Variants in LDLRAD4 observed in about 807,000 individuals in gnomAD.
LDLRAD4 encodes low-density lipoprotein receptor class A domain-containing protein 4.
In LDLRAD4, 5 loss-of-function variants were observed where a neutral mutation model predicts 17.0. The ratio of observed to expected loss-of-function variants is 0.29; its 90% CI spans 0.15 to 0.62. The LOEUF (loss-of-function observed/expected upper bound fraction) is 0.62. Ranked by LOEUF, LDLRAD4 falls within the 20% of genes least tolerant of loss-of-function variation. The probability of loss-of-function intolerance (pLI) is 0.84; values close to 1 mark genes in which losing one functional copy is unlikely to be tolerated. For missense variants in LDLRAD4, 340 were observed against 424.7 expected (o/e 0.80, Z 1.75); for synonymous variants, 168 against 171.8 (o/e 0.98, Z 0.17).
At chr18:13,447,645 G>A (rs2091504631) in intron 3 of LDLRAD4, among the ~76,000 whole-genome samples, 1 of 152,240 alleles carries the variant, frequency 6.6e-6, no homozygotes, top group Non-Finnish European at 1.5e-5. Flanking sequence ...ATATTTAGTA[G>A]TCTAGCGTGG....
rs369946968 is a variant in LDLRAD4 at position 13,338,451 on chromosome 18, C to T, written c.-382-48890C>T. 3.9e-5 allele frequency among the ~76,000 whole-genome samples: 6 copies of T among 152,270 alleles called. No individual in the cohort carries two copies. The East Asian group carries it at 9.6e-4, about 24-fold the overall frequency. On this transcript the variant is annotated intron_variant, in intron 1 of 5. Coordinates refer to ENST00000359446, the Ensembl canonical transcript of LDLRAD4. ...CTGTTGTTGACTCTTGACAGAGGAT[C>T]CTCAGCTCTGACCACTGCTGTGCCC...
chr18:13,265,016 C>T lies in LDLRAD4; in HGVS notation c.-466-13089C>T, dbSNP rs182362983. On this transcript the variant is annotated intron_variant, in intron 1 of 5. Transcript: ENST00000399848. ...AAAGCTGAGTTGCCCAAGCCAGAAC[C>T]TGGTGCTGTTCTGACCCCCTCCTGG... Among the ~76,000 whole-genome samples the T allele has an allele frequency of 7.2e-5, 11 of 152,330 alleles. No homozygotes were observed. The East Asian group carries it at 1.3e-3, about 19-fold the overall frequency.
At position 13,434,874 on chromosome 18, in the gene LDLRAD4, CA is replaced by C. The variant is rs756529825; in HGVS notation, c.41-3369del. Among the ~76,000 whole-genome samples, 3 of 152,362 alleles carry C rather than the reference CA, an allele frequency of 2.0e-5. No homozygotes were observed. The South Asian group carries it at 6.2e-4, about 32-fold the overall frequency. ...TGCTGTATGTGAGCTACCTCTTTCT[CA>C]GTAGACAGTGGTTCTCCATCTGCGC... On this transcript the variant is annotated intron_variant, in intron 2 of 5. Transcript: ENST00000359446.
chr18:13,476,493 G>A (rs2092943068), intron 3 of LDLRAD4, among the ~76,000 whole-genome samples: 1 of 152,004 alleles, frequency 6.6e-6, no homozygotes, highest in Non-Finnish European at 1.5e-5. Flanking sequence ...GCATGGTGGT[G>A]TGCACCTGTA....
rs751625190 is a variant in LDLRAD4, at chr18:13,621,151, C to G, written c.216C>G (p.Val72=). 44 of 1,614,052 alleles carry G rather than the reference C, an allele frequency of 2.7e-5. No homozygotes were observed. Among genetic ancestry groups the G allele is most frequent in the Non-Finnish European group, 3.7e-5 (44 of 1,180,040 alleles). Residue 72 remains valine (V), a synonymous_variant, in exon 4 of 6, where the codon GTC becomes GTG. Coordinates refer to ENST00000359446, the Ensembl canonical transcript of LDLRAD4. This position sits in a 1 kb window ranked among gnomAD's most constrained non-coding sequence, Gnocchi z 5.5. Reference sequence around the variant, plus strand: ...AGTTCGCCCAAATCATCATCATCGTCGTGGTGGTCACGGTGATGGTGGTGG... The same window carrying G: ...AGTTCGCCCAAATCATCATCATCGTGGTGGTGGTCACGGTGATGGTGGTGG...
intron 3 of LDLRAD4, among the ~76,000 whole-genome samples, chr18:13,448,992 T>C (rs1234495624): frequency 6.6e-6 from 1 of 152,294 alleles, no homozygotes; most frequent in African/African-American, 2.4e-5. Context: ...GCAGTAATCA[T>C]TTTTTCACTC....
chr18:13,551,147 CCT>C (rs1401970965), intron 3 of LDLRAD4, among the ~76,000 whole-genome samples: 4 of 152,196 alleles, frequency 2.6e-5, no homozygotes, highest in African/African-American at 9.6e-5. Context: ...TTTGACTTCA[CCT>C]CCAACGGCCA....
At chr18:13,643,290 G>A (rs2042763283) in intron 4 of LDLRAD4, 69 bp from the exon 6 acceptor site, 2 of 997,974 alleles carry the variant, frequency 2.0e-6, no homozygotes, top group African/African-American at 1.7e-5. Flanking sequence ...ATGTTTTTAG[G>A]TGCGGCGGGG....
rs185476075 is a variant in LDLRAD4, at chr18:13,643,864, A to G, written c.390+452A>G. On this transcript the variant is annotated intron_variant, in intron 5 of 5. Coordinates refer to ENST00000359446, the Ensembl canonical transcript of LDLRAD4. ...ATATGTGTGTATATTAAATGCATGTATATACACATATATGTATACACACAT... is the reference window on the plus strand; with the variant it reads ...ATATGTGTGTATATTAAATGCATGTGTATACACATATATGTATACACACAT... Among the ~76,000 whole-genome samples the G allele has an allele frequency of 4.7e-3, 711 of 152,310 alleles. 3 individuals carry two copies. The highest frequency in any genetic ancestry group is 7.6e-3 in the Non-Finnish European group (516 of 68,020).
chr18:13,491,553 C>T (rs1303474422), intron 3 of LDLRAD4: 2 of 152,168 alleles, frequency 1.3e-5, no homozygotes, highest in Non-Finnish European at 2.9e-5. Flanking sequence ...AATCTAGTTT[C>T]TGTCTGTTTC....
At chr18:13,299,428 A>G (rs1031421029) in intron 1 of LDLRAD4, among the ~76,000 whole-genome samples, 33 of 152,334 alleles carry the variant, frequency 2.2e-4, no homozygotes, top group Non-Finnish European at 3.4e-4. Flanking sequence ...AGCTGGCTGC[A>G]GGGGCCAGAC....
intron 3 of LDLRAD4, among the ~76,000 whole-genome samples, chr18:13,459,456 C>T (rs1568189061): frequency 6.6e-6 from 1 of 151,378 alleles, no homozygotes; most frequent in Non-Finnish European, 1.5e-5. Flanking sequence ...GATCTCAGCT[C>T]ACTGCAACCT....
intron 2 of LDLRAD4, chr18:13,426,024 C>G (rs539348001): frequency 6.5e-6 from 1 of 152,846 alleles, no homozygotes; most frequent in South Asian, 2.1e-4. Flanking sequence ...CCCATGGCGG[C>G]AGGGTGCGCA....
At chr18:13,636,674 A>G (rs1290301866) in intron 4 of LDLRAD4, among the ~76,000 whole-genome samples, 1 of 149,818 alleles carries the variant, frequency 6.7e-6, no homozygotes, top group Non-Finnish European at 1.5e-5. Flanking sequence ...TTTTTTTTGT[A>G]TTTTTAGTAG....
intron 3 of LDLRAD4, among the ~76,000 whole-genome samples, chr18:13,532,124 T>C (rs2094137893): frequency 6.6e-6 from 1 of 152,138 alleles, no homozygotes; most frequent in Non-Finnish European, 1.5e-5. Context: ...GGACAGCCGA[T>C]GCAGCCTCAG....
chr18:13,544,680 C>T (rs547235936), intron 3 of LDLRAD4, among the ~76,000 whole-genome samples: 47 of 152,182 alleles, frequency 3.1e-4, no homozygotes, highest in Non-Finnish European at 6.5e-4. Context: ...TACAGGTAGA[C>T]CTAACTGCAA....
At chr18:13,325,613 G>A (rs1215513256) in intron 1 of LDLRAD4, among the ~76,000 whole-genome samples, 2 of 152,156 alleles carry the variant, frequency 1.3e-5, no homozygotes, top group African/African-American at 2.4e-5. Context: ...CCCTCTCCGC[G>A]TGGGCAACGC....
At chr18:13,408,849 G>A (rs946269705) in intron 2 of LDLRAD4, among the ~76,000 whole-genome samples, 1 of 151,528 alleles carries the variant, frequency 6.6e-6, no homozygotes. Context: ...TCTCTTTCTC[G>A]TCTTTTTCTT....
intron 3 of LDLRAD4, among the ~76,000 whole-genome samples, chr18:13,484,734 C>T (rs139645748): frequency 6.6e-6 from 1 of 152,320 alleles, no homozygotes; most frequent in African/African-American, 2.4e-5. Context: ...CCTGGAGAGA[C>T]AGGCACTAAT....
Sources: allele counts gnomAD v4.1 joint callset (sites outside exome capture counted in the v4.1 genomes callset), GRCh38; gene constraint gnomAD v4.1.1; non-coding constraint Gnocchi (gnomAD v3.1); transcripts MANE v1.5; gene names NCBI Gene and HGNC (gene_info 2026-07-23, HGNC 2026-07-21).